Variants in DAG1 observed in about 807,000 individuals in gnomAD.
DAG1 encodes the protein dystroglycan 1 (dystrophin-associated glycoprotein 1).
DAG1 carries 8 observed loss-of-function variants against 46.1 expected under a neutral mutation model. The ratio of observed to expected loss-of-function variants is 0.17; its 90% CI spans 0.10 to 0.31. DAG1 has a LOEUF of 0.31. Among genes scored for constraint, DAG1 ranks in the 10% least tolerant of loss-of-function variants. The probability of loss-of-function intolerance (pLI) is 1.00; values close to 1 mark genes in which losing one functional copy is unlikely to be tolerated. For synonymous variants in DAG1, 495 were observed against 481.8 expected (o/e 1.03, Z -0.36); for missense variants, 1,003 against 1,189.9 (o/e 0.84, Z 2.31).
At chr3:49,499,977 CTTTT>C (rs1189123113) in intron 1 of DAG1, among the ~76,000 whole-genome samples, 1 of 141,088 alleles carries the variant, frequency 7.1e-6, no homozygotes. Context: ...ACTTCTTCTT[CTTTT>C]TTTTTTTTTT....
Position 49,532,378 on chromosome 3 carries a change from A to G in DAG1, c.1867A>G (p.Ile623Val). ...VGDPALVLNDIHKKIALVKKL... is the reference protein window; with the variant it reads ...VGDPALVLNDVHKKIALVKKL... ...TGACCCGGCACTGGTGTTGAATGACATCCACAAGAAGATTGCCTTGGTAAA... is the reference window on the plus strand; with the variant it reads ...TGACCCGGCACTGGTGTTGAATGACGTCCACAAGAAGATTGCCTTGGTAAA... Residue 623 changes from isoleucine to valine, a missense_variant, in exon 3 of 3, where the codon ATC becomes GTC. By Grantham distance (29) the Ile-to-Val change is conservative. Around this residue, in one of 3 missense-constraint regions of DAG1, gnomAD observed 755 missense variants for 854.1 expected, o/e 0.88. Coordinates refer to ENST00000308775, the MANE Select transcript of DAG1 (RefSeq NM_004393.6). The surrounding 1 kb of genome is among the most constrained non-coding windows in gnomAD (Gnocchi z 5.4). The G allele has an allele frequency of 6.2e-7, 1 of 1,614,170 alleles. No homozygotes were observed. The highest frequency in any genetic ancestry group is 8.5e-7 in the Non-Finnish European group (1 of 1,180,042).
chr3:49,482,923 G>A (rs986199879), intron 1 of DAG1, among the ~76,000 whole-genome samples: 2 of 152,136 alleles, frequency 1.3e-5, no homozygotes, highest in African/African-American at 4.8e-5. Flanking sequence ...TAGGGCAGAA[G>A]TGAACCAGTT....
chr3:49,473,339 G>A (rs754553257), intron 1 of DAG1, among the ~76,000 whole-genome samples: 56 of 146,682 alleles, frequency 3.8e-4, no homozygotes, highest in African/African-American at 9.8e-4. Flanking sequence ...GGAGAATGGC[G>A]TGAACCCGGG....
intron 2 of DAG1, among the ~76,000 whole-genome samples, chr3:49,522,561 T>C (rs1412840078): frequency 6.8e-6 from 1 of 148,016 alleles, no homozygotes; most frequent in Non-Finnish European, 1.5e-5. Context: ...CGCCTCAGCC[T>C]CCTGAGTAGC....
chr3:49,507,968 C>A (rs1330401457), intron 1 of DAG1, among the ~76,000 whole-genome samples: 1 of 151,752 alleles, frequency 6.6e-6, no homozygotes, highest in East Asian at 1.9e-4. Flanking sequence ...ATAGTGTTTC[C>A]TTATTTTTCT....
intron 1 of DAG1, among the ~76,000 whole-genome samples, chr3:49,504,364 G>T (rs1350996998): frequency 6.6e-6 from 1 of 151,648 alleles, no homozygotes; most frequent in Non-Finnish European, 1.5e-5. Context: ...GTATTCCATG[G>T]TATGCATGTA....
intron 1 of DAG1, among the ~76,000 whole-genome samples, chr3:49,480,267 CTTTTTTTTTT>C (rs1043834393): frequency 1.0e-5 from 1 of 100,012 alleles, no homozygotes; most frequent in Non-Finnish European, 2.1e-5. Flanking sequence ...TATAACATTT[CTTTTTTTTTT>C]TTTTTTTTTT....
chr3:49,469,218 C>T (rs2049446836), upstream of DAG1, among the ~76,000 whole-genome samples: 1 of 152,168 alleles, frequency 6.6e-6, no homozygotes. Context: ...AATGTGCTTG[C>T]TGTCAAGAGT....
intron 1 of DAG1, among the ~76,000 whole-genome samples, chr3:49,481,256 G>A (rs563426033): frequency 1.3e-5 from 2 of 150,848 alleles, no homozygotes; most frequent in South Asian, 2.1e-4. Context: ...AATTAGCCGG[G>A]CGTAGTGTTA....
At chr3:49,514,716 G>A (rs1365085167) in intron 2 of DAG1, among the ~76,000 whole-genome samples, 1 of 151,968 alleles carries the variant, frequency 6.6e-6, no homozygotes, top group African/African-American at 2.4e-5. Flanking sequence ...TTGGCCTACT[G>A]CAACCTCCGC....
chr3:49,495,927 AC>A (rs1321535547), intron 1 of DAG1, among the ~76,000 whole-genome samples: 1 of 151,904 alleles, frequency 6.6e-6, no homozygotes, highest in Non-Finnish European at 1.5e-5. Flanking sequence ...TCTCAAAAAA[AC>A]AAAAACAAAA....
At chr3:49,490,581 T>C (rs962949593) in intron 1 of DAG1, among the ~76,000 whole-genome samples, 79 of 151,758 alleles carry the variant, frequency 5.2e-4, no homozygotes, top group African/African-American at 1.7e-3. Flanking sequence ...TTTTATTTTT[T>C]TTTTTTGGGA....
chr3:49,528,267 A>G (rs1292886211), intron 2 of DAG1, among the ~76,000 whole-genome samples: 2 of 116,848 alleles, frequency 1.7e-5, no homozygotes, highest in East Asian at 2.1e-4. Flanking sequence ...AACATTTGAA[A>G]TAGTGTGATT....
intron 2 of DAG1, among the ~76,000 whole-genome samples, chr3:49,514,336 A>G (rs922109930): frequency 6.6e-6 from 1 of 152,218 alleles, no homozygotes; most frequent in Non-Finnish European, 1.5e-5. Context: ...TAGAAAGGGA[A>G]AAAAAATCTG....
chr3:49,476,358 G>T (rs994388361), intron 1 of DAG1, among the ~76,000 whole-genome samples: 1 of 152,122 alleles, frequency 6.6e-6, no homozygotes, highest in Admixed American at 6.6e-5. Flanking sequence ...GGGAGGCCGA[G>T]CCGTGTGGAT....
chr3:49,527,879 TCTC>T (rs945487261), intron 2 of DAG1, among the ~76,000 whole-genome samples: 7 of 152,116 alleles, frequency 4.6e-5, no homozygotes, highest in African/African-American at 1.7e-4. Context: ...GCAGTTGGCT[TCTC>T]CTTAGTTGGC....
At chr3:49,490,049 T>A (rs1559553047) in intron 1 of DAG1, among the ~76,000 whole-genome samples, 1 of 152,214 alleles carries the variant, frequency 6.6e-6, no homozygotes, top group African/African-American at 2.4e-5. Flanking sequence ...TCCTTTCTCT[T>A]ACCACTTGTT....
intron 2 of DAG1, among the ~76,000 whole-genome samples, chr3:49,528,586 A>G (rs1298687263): frequency 2.0e-5 from 3 of 152,042 alleles, no homozygotes; most frequent in Non-Finnish European, 4.4e-5. Flanking sequence ...CGCCCAGCCA[A>G]TAAGTGTGAT....
intron 1 of DAG1, among the ~76,000 whole-genome samples, chr3:49,478,620 C>G (rs934946396): frequency 2.1e-5 from 3 of 142,332 alleles, no homozygotes; most frequent in African/African-American, 7.9e-5. Flanking sequence ...TTAAGCGATT[C>G]ATCTGCCTGA....
Sources: allele counts gnomAD v4.1 joint callset (sites outside exome capture counted in the v4.1 genomes callset), GRCh38; gene constraint gnomAD v4.1.1; regional missense constraint gnomAD v4.1.1; non-coding constraint Gnocchi (gnomAD v3.1); transcripts MANE v1.5; gene names NCBI Gene and HGNC (gene_info 2026-07-23, HGNC 2026-07-21).